Variants in PLEKHG4B observed in about 807,000 individuals in gnomAD.
The protein encoded by PLEKHG4B is pleckstrin homology domain-containing family G member 4B.
PLEKHG4B carries 111 observed loss-of-function variants against 121.3 expected under a neutral mutation model. That is an observed-to-expected ratio of 0.92 (90% confidence interval 0.78 to 1.07). The LOEUF is 1.07. PLEKHG4B is among the 50% of genes least tolerant of loss of function. The probability of loss-of-function intolerance (pLI) is 0.00; values close to 1 mark genes in which losing one functional copy is unlikely to be tolerated. For missense variants in PLEKHG4B, 1,831 were observed against 1,757.8 expected, an observed-to-expected ratio of 1.04 and a Z score of -0.74; for synonymous variants, 738 against 725.0, an observed-to-expected ratio of 1.02 and a Z score of -0.29.
At chr5:172,857 G>C in intron 16 of PLEKHG4B, 40 bp from the exon 17 acceptor site, 1 of 1,611,458 alleles carries the variant, frequency 6.2e-7, no homozygotes. Flanking sequence ...ACAGACGCCG[G>C]ATTTTCTTGG....
At chr5:135,701 ATATATATATATATATATATATATATATG>A (rs1239310023) in intron 2 of PLEKHG4B, among the ~76,000 whole-genome samples, 66 of 79,858 alleles carry the variant, frequency 8.3e-4, no homozygotes, top group African/African-American at 3.5e-3. Flanking sequence ...ATATATATAT[ATATATATATATATATATATATATATATG>A]TATGTCAGTA....
At chr5:173,799 C>G in intron 17 of PLEKHG4B, 119 bp from the exon 18 acceptor site, 1 of 1,211,048 alleles carries the variant, frequency 8.3e-7, no homozygotes, top group Non-Finnish European at 1.1e-6. Flanking sequence ...CTGACCCATC[C>G]CACACATTTG....
At chr5:132,839 T>A (rs1260180129) in intron 2 of PLEKHG4B, among the ~76,000 whole-genome samples, 1 of 152,166 alleles carries the variant, frequency 6.6e-6, no homozygotes, top group African/African-American at 2.4e-5. Flanking sequence ...TGCCTCCAGA[T>A]TTGTTCTTTT....
At chr5:117,575 C>T (rs995806088) in intron 2 of PLEKHG4B, among the ~76,000 whole-genome samples, 10 of 152,198 alleles carry the variant, frequency 6.6e-5, no homozygotes, top group East Asian at 3.9e-4. Flanking sequence ...GAAAAGGGCC[C>T]GGTGCGGTGG....
intron 5 of PLEKHG4B, 54 bp downstream of exon 5, chr5:143,557 G>A: frequency 2.5e-6 from 4 of 1,594,278 alleles, no homozygotes; most frequent in Non-Finnish European, 3.4e-6. Context: ...CCAGCTGCAT[G>A]TGTGTGGCAA....
rs375615929 is a variant in PLEKHG4B, at chr5:156,059, C to T, written c.2209-12C>T. The T allele has an allele frequency of 4.5e-6, 7 of 1,569,288 alleles. No homozygotes were observed. In the South Asian group the frequency reaches 4.8e-5, roughly 11 times the overall value. On this transcript the variant is annotated splice_polypyrimidine_tract_variant and intron_variant, in intron 9 of 19. Transcript: ENST00000637938. The surrounding 1 kb of genome is among the most constrained non-coding windows in gnomAD (Gnocchi z 4.4). ...AGGGAGTTAAAGGCTTATTCCTCCC[C>T]ATCCCGTGCAGGAAGTCGCCGAGTT...
At chr5:151,328 G>C (rs1285206651) in intron 6 of PLEKHG4B, among the ~76,000 whole-genome samples, 185 bp from the exon 7 acceptor site, 1 of 152,116 alleles carries the variant, frequency 6.6e-6, no homozygotes, top group Non-Finnish European at 1.5e-5. Flanking sequence ...CGATAAACCT[G>C]ATTACATTAA....
chr5:127,848 C>T (rs1478524072), intron 2 of PLEKHG4B, among the ~76,000 whole-genome samples: 4 of 152,104 alleles, frequency 2.6e-5, no homozygotes, highest in African/African-American at 9.7e-5. Flanking sequence ...GGTCAGGGTA[C>T]AGCTTGGTTT....
In PLEKHG4B at chr5:156,762, C is replaced by G. The variant is rs772789631; in HGVS notation, c.2349-11C>G. The stretch of plus-strand genomic sequence containing the variant: ...CGCCTGGAAGCCTGAGGACTGCCTT[C>G]TCTTCCTCAGGGACACCCTGGAGGC... On this transcript the variant is annotated splice_polypyrimidine_tract_variant and intron_variant, in intron 10 of 19. Transcript: ENST00000637938. The surrounding 1 kb of genome is among the most constrained non-coding windows in gnomAD (Gnocchi z 4.4). 1.9e-6 allele frequency: 3 copies of G among 1,546,740 alleles called. No individual in the cohort carries two copies. The highest frequency in any genetic ancestry group is 2.0e-4 in the Middle Eastern group (1 of 4,992).
rs1456417838 is a variant in PLEKHG4B, at chr5:162,706, C to T, written c.2650-16C>T. 4 of 1,440,672 alleles carry T rather than the reference C, an allele frequency of 2.8e-6. No homozygotes were observed. Among genetic ancestry groups the T allele is most frequent in the East Asian group, 5.1e-5 (2 of 39,532 alleles). The allele number at this position is 1,440,672 out of a possible 1,614,324, so 89.2% of individuals were successfully genotyped here. On this transcript the variant is annotated splice_polypyrimidine_tract_variant and intron_variant, in intron 12 of 19. Coordinates refer to ENST00000637938, the MANE Select transcript of PLEKHG4B (RefSeq NM_052909.5). ...CCTCCTCCACTGCACTGAGCAGAGC[C>T]CTCCTTGTCCCACAGGTGAGCAGCT...
chr5:97,297 C>CATTTTCCTCATTCCAAA (rs1733657884), intron 1 of PLEKHG4B, among the ~76,000 whole-genome samples: 2 of 133,454 alleles, frequency 1.5e-5, no homozygotes, highest in African/African-American at 3.2e-5. Flanking sequence ...GGCTCCAGAT[C>CATTTTCCTCATTCCAAA]GTTTTCCTCA....
At chr5:100,354 G>A (rs58571290) in intron 1 of PLEKHG4B, among the ~76,000 whole-genome samples, 8,674 of 148,540 alleles carry the variant, frequency 0.058, 559 homozygotes, top group African/African-American at 0.15. Flanking sequence ...GTCTGTAGGG[G>A]AAAGACTGTT....
chr5:178,419 C>T (rs1264854672), intron 18 of PLEKHG4B, among the ~76,000 whole-genome samples: 10 of 152,194 alleles, frequency 6.6e-5, no homozygotes. Flanking sequence ...GGTAAATTTT[C>T]CATGTGCACG....
intron 4 of PLEKHG4B, 25 bp from the exon 5 acceptor site, chr5:143,355 A>T: frequency 6.2e-7 from 1 of 1,609,282 alleles, no homozygotes; most frequent in Non-Finnish European, 8.5e-7. Flanking sequence ...AGCCCTTGGC[A>T]GCTGCCCTGT....
intron 6 of PLEKHG4B, among the ~76,000 whole-genome samples, chr5:146,899 G>A (rs1034363379): frequency 2.6e-5 from 4 of 151,458 alleles, no homozygotes; most frequent in Admixed American, 6.6e-5. Context: ...TCTTACTTTC[G>A]CAGTACGTGG....
chr5:155,745 G>T (rs542066534), intron 9 of PLEKHG4B, among the ~76,000 whole-genome samples: 2 of 152,308 alleles, frequency 1.3e-5, no homozygotes, highest in Admixed American at 6.5e-5. Context: ...AGGCGAACTG[G>T]CCACAGGGCT....
chr5:115,524 C>T (rs1734279427), intron 2 of PLEKHG4B, among the ~76,000 whole-genome samples: 1 of 152,222 alleles, frequency 6.6e-6, no homozygotes. Flanking sequence ...CTTTGCCTCT[C>T]TAGCTAGGAA....
Position 181,615 on chromosome 5 carries a change from C to T in PLEKHG4B, c.4504C>T (p.Arg1502Trp), listed in dbSNP as rs12519352. Residue 1502 changes from arginine (R) to tryptophan (W), a missense_variant, in exon 19 of 20, where the codon CGG (arginine) becomes TGG (tryptophan). Arg to Trp is a moderately radical substitution (Grantham distance 101). Transcript: ENST00000637938. ...CCCTGACTGTGCAGTGATAAGCGAC[C>T]GGGCTCCCAAATGTGCAGTGATGAG... ...RTPDCAVISD[R>W]APKCAVMSDR... 5.0e-6 allele frequency: 8 copies of T among 1,613,942 alleles called. No individual in the cohort carries two copies. Among genetic ancestry groups the T allele is most frequent in the East Asian group, 2.2e-5 (1 of 44,884 alleles).
chr5:169,388 G>A lies in PLEKHG4B; in HGVS notation c.3525G>A (p.Glu1175=), dbSNP rs1400918794. ...CCGAGATGATCGCCACAGAGAGGGA[G>A]TACATTCGGTGCTTAGGATACGTCA... ...IMAEMIATER[E]YIRCLGYVID... Residue 1175 remains glutamate (E), a synonymous_variant, in exon 14 of 20, where the codon GAG becomes GAA. Transcript: ENST00000637938. 3 of 1,614,018 alleles carry A rather than the reference G, an allele frequency of 1.9e-6. No homozygotes were observed. In the African/African-American group the frequency reaches 4.0e-5, roughly 22 times the overall value.
Sources: allele counts gnomAD v4.1 joint callset (sites outside exome capture counted in the v4.1 genomes callset), GRCh38; gene constraint gnomAD v4.1.1; non-coding constraint Gnocchi (gnomAD v3.1); transcripts MANE v1.5; gene names NCBI Gene and HGNC (gene_info 2026-07-23, HGNC 2026-07-21).